WNT8B: variants seen among roughly 807,000 people sequenced by gnomAD.
WNT8B encodes the protein Wnt family member 8B.
Under a neutral mutation model 36.6 loss-of-function variants are expected in WNT8B, and 24 were observed. That is an observed-to-expected ratio of 0.66 (90% CI 0.48 to 0.92). The LOEUF (loss-of-function observed/expected upper bound fraction) is 0.92. Among genes scored for constraint, WNT8B ranks in the 40% least tolerant of loss-of-function variants. The probability of loss-of-function intolerance (pLI) is 0.00; values close to 1 mark genes in which losing one functional copy is unlikely to be tolerated. For synonymous variants in WNT8B, 199 were observed against 189.8 expected (o/e 1.05, Z -0.40); for missense variants, 402 against 470.8 (o/e 0.85, Z 1.35).
rs1365981277 is a variant in WNT8B, at chr10:100,482,255, C to T, written c.511-16C>T. The T allele has an allele frequency of 3.2e-6, 5 of 1,571,004 alleles. No homozygotes were observed. Among genetic ancestry groups the T allele is most frequent in the Non-Finnish European group, 4.3e-6 (5 of 1,163,816 alleles). On this transcript the variant is annotated splice_polypyrimidine_tract_variant and intron_variant, in intron 5 of 5. Coordinates refer to ENST00000343737, the MANE Select transcript of WNT8B (RefSeq NM_003393.4). This position sits in a 1 kb window ranked among gnomAD's most constrained non-coding sequence, Gnocchi z 6.6. ...GCGCTTAATCCGGGGCCTCTCACTCCTAGCTCTCTCCCCAGGCGGTGAAGG... is the reference window on the plus strand; with the variant it reads ...GCGCTTAATCCGGGGCCTCTCACTCTTAGCTCTCTCCCCAGGCGGTGAAGG...
In WNT8B at chr10:100,482,892, G is replaced by A. The variant is rs1021011476; in HGVS notation, c.*76G>A. The A allele has an allele frequency of 7.1e-7, 1 of 1,404,414 alleles. No homozygotes were observed. The highest frequency in any genetic ancestry group is 9.4e-7 in the Non-Finnish European group (1 of 1,066,582). The allele number at this position is 1,404,414 out of a possible 1,614,324, so 87.0% of individuals were successfully genotyped here. ...GACCCCGGTAATTGTGGAACCTAGG[G>A]AATGGGGAACCCGCTCTCCCAGACC... On this transcript the variant is annotated 3_prime_UTR_variant, in exon 6 of 6. Coordinates refer to ENST00000343737, the MANE Select transcript of WNT8B (RefSeq NM_003393.4). The surrounding 1 kb of genome is among the most constrained non-coding windows in gnomAD (Gnocchi z 6.6).
rs891377709 is a variant in WNT8B at position 100,479,205 on chromosome 10, T to C, written c.102+120T>C. The C allele has an allele frequency of 4.7e-5, 45 of 960,144 alleles. 1 individual carries two copies. Among genetic ancestry groups the C allele is most frequent in the South Asian group, 3.0e-4 (14 of 47,296 alleles). 59.5% of individuals were successfully genotyped at this position (960,144 alleles called of 1,614,324 possible). A position where few individuals can be genotyped will look rare whatever the true frequency, so the allele number is the denominator to read the frequency against. On this transcript the variant is annotated intron_variant, in intron 2 of 5. Transcript: ENST00000343737. ...TTTATTATGCTGTATACATTACAGATAGAAAGATTGAGACCCAGAGGGTGT... is the reference window on the plus strand; with the variant it reads ...TTTATTATGCTGTATACATTACAGACAGAAAGATTGAGACCCAGAGGGTGT...
Position 100,481,122 on chromosome 10 carries a change from G to A in WNT8B, c.366G>A (p.Leu122=). 1 of 1,614,006 alleles carries A rather than the reference G, an allele frequency of 6.2e-7. No homozygotes were observed. Among genetic ancestry groups the A allele is most frequent in the Non-Finnish European group, 8.5e-7 (1 of 1,179,952 alleles). Residue 122 remains leucine, a splice_region_variant and synonymous_variant, in exon 4 of 6, where the codon CTG becomes CTA. Transcript: ENST00000343737. ...GTGATGACTCCCGCAACGGGCAACT[G>A]GGTGAGTAGTAATGTAGGGATGGGT... The part of the protein sequence containing the change: ...CGCDDSRNGQ[L]GGQGWLWGGC...
intron 1 of WNT8B, among the ~76,000 whole-genome samples, chr10:100,472,001 C>T (rs1016677881): frequency 7.2e-5 from 11 of 151,976 alleles, no homozygotes; most frequent in African/African-American, 2.4e-4. Flanking sequence ...TCAAGACCAG[C>T]CTGGCCAACA....
At chr10:100,477,622 A>G (rs1324042893) in intron 1 of WNT8B, among the ~76,000 whole-genome samples, 1 of 152,062 alleles carries the variant, frequency 6.6e-6, no homozygotes, top group African/African-American at 2.4e-5. Flanking sequence ...CTACCCTTTG[A>G]AGGACATTGG....
intron 1 of WNT8B, among the ~76,000 whole-genome samples, chr10:100,466,629 G>T (rs1850909983): frequency 6.6e-6 from 1 of 151,998 alleles, no homozygotes. Context: ...AGTTTTTGGT[G>T]GATGACAACA....
At chr10:100,479,370 TC>T (rs1343411718) in intron 2 of WNT8B, among the ~76,000 whole-genome samples, 2 of 152,176 alleles carry the variant, frequency 1.3e-5, no homozygotes, top group East Asian at 1.9e-4. Flanking sequence ...AAGTCACACA[TC>T]CTTCTCAGTG....
Position 100,463,126 on chromosome 10 carries a change from C to T in WNT8B, c.-43C>T, listed in dbSNP as rs780240435. 1 of 1,580,296 alleles carries T rather than the reference C, an allele frequency of 6.3e-7. No homozygotes were observed. Among genetic ancestry groups the T allele is most frequent in the Non-Finnish European group, 8.7e-7 (1 of 1,150,886 alleles). Reference sequence around the variant, plus strand: ...ATTTCTCCGTCTTGCTTACCCATCTCCCAGTTTTTTGGAATTTTCTCTAGC... The same window carrying T: ...ATTTCTCCGTCTTGCTTACCCATCTTCCAGTTTTTTGGAATTTTCTCTAGC... On this transcript the variant is annotated 5_prime_UTR_variant, in exon 1 of 6. Transcript: ENST00000343737.
At chr10:100,473,086 C>T (rs1278565240) in intron 1 of WNT8B, among the ~76,000 whole-genome samples, 2 of 152,026 alleles carry the variant, frequency 1.3e-5, no homozygotes, top group Non-Finnish European at 2.9e-5. Context: ...TTACTATGTT[C>T]AAAGTACTAG....
chr10:100,482,778 C>CG lies in WNT8B; in HGVS notation c.1025dup (p.Ala343ArgfsTer35), dbSNP rs765366470. ...CTTCTGTAGCCGCGCAGAGCGGCCGCGGGGGGGCGCTGCGCACAAACCCGG... is the reference window on the plus strand; with the variant it reads ...CTTCTGTAGCCGCGCAGAGCGGCCGCGGGGGGGGCGCTGCGCACAAACCCGG... On this transcript the variant is annotated frameshift_variant, in exon 6 of 6. Transcript: ENST00000343737. LOFTEE classifies it high-confidence loss of function. The surrounding 1 kb of genome is among the most constrained non-coding windows in gnomAD (Gnocchi z 6.6). The CG allele has an allele frequency of 7.6e-5, 120 of 1,585,692 alleles. No individual in the cohort carries two copies. The highest frequency in any genetic ancestry group is 8.3e-5 in the Non-Finnish European group (97 of 1,164,630).
chr10:100,471,716 T>G (rs921859061), intron 1 of WNT8B, among the ~76,000 whole-genome samples: 3 of 152,236 alleles, frequency 2.0e-5, no homozygotes, highest in Non-Finnish European at 4.4e-5. Flanking sequence ...GCTTCACCAC[T>G]TACCTAGCTG....
intron 1 of WNT8B, among the ~76,000 whole-genome samples, chr10:100,474,271 A>C (rs1404732987): frequency 1.3e-5 from 2 of 152,168 alleles, no homozygotes; most frequent in African/African-American, 4.8e-5. Flanking sequence ...TCCATCTGGG[A>C]GTATACTGTT....
At chr10:100,473,932 C>CA (rs79241401) in intron 1 of WNT8B, among the ~76,000 whole-genome samples, 20 of 150,364 alleles carry the variant, frequency 1.3e-4, no homozygotes, top group Non-Finnish European at 2.4e-4. Flanking sequence ...TCTTAAAAAA[C>CA]AAAAAAAAAG....
In WNT8B at chr10:100,479,555, A is replaced by G. The variant is rs142653399; in HGVS notation, c.103-319A>G. Among the ~76,000 whole-genome samples the G allele has an allele frequency of 1.2e-4, 18 of 152,334 alleles. No individual in the cohort carries two copies. In the East Asian group the frequency reaches 2.1e-3, roughly 18 times the overall value. Reference sequence around the variant, plus strand: ...TGGGCTCATTTTGGAGAGACAGGATAGTATAGTGAAGAAAGGTGAATAAAG... The same window carrying G: ...TGGGCTCATTTTGGAGAGACAGGATGGTATAGTGAAGAAAGGTGAATAAAG... On this transcript the variant is annotated intron_variant, in intron 2 of 5. Transcript: ENST00000343737.
Position 100,483,426 on chromosome 10 carries a change from G to A in WNT8B, c.*610G>A, listed in dbSNP as rs1371586781. 1 of 152,194 alleles carries A rather than the reference G, an allele frequency of 6.6e-6. No homozygotes were observed. Among genetic ancestry groups the A allele is most frequent in the East Asian group, 1.9e-4 (1 of 5,194 alleles). The allele number at this position is 152,194 out of a possible 1,614,324, so 9.4% of individuals were successfully genotyped here. On this transcript the variant is annotated 3_prime_UTR_variant, in exon 6 of 6. Coordinates refer to ENST00000343737, the MANE Select transcript of WNT8B (RefSeq NM_003393.4). ...GGTTGAAGATGGAAGAGGGAGCTCT[G>A]GAGTGCTAACTTGAACACCAAGGGT...
In WNT8B at chr10:100,482,363, C is replaced by G. The variant is rs1481936813; in HGVS notation, c.603C>G (p.Phe201Leu). The change falls in exon 6 of 6, where the codon TTC becomes TTG. Residue 201 changes from phenylalanine to leucine, a missense_variant. By Grantham distance (22) the Phe-to-Leu change is conservative. Transcript: ENST00000343737. This position sits in a 1 kb window ranked among gnomAD's most constrained non-coding sequence, Gnocchi z 6.6. ...CCTGTTGGCTGCAGCTGCCCGAGTT[C>G]CGCGAGGTGGGCGCGCACCTGAAGG... Reference protein sequence around the residue: ...TQTCWLQLPEFREVGAHLKEK... With the variant: ...TQTCWLQLPELREVGAHLKEK... 7.5e-6 allele frequency: 12 copies of G among 1,605,676 alleles called. No homozygotes were observed. The highest frequency in any genetic ancestry group is 1.0e-5 in the Non-Finnish European group (12 of 1,179,928).
rs764537503 is a variant in WNT8B, at chr10:100,482,243, G to A, written c.511-28G>A. 34 of 1,554,646 alleles carry A rather than the reference G, an allele frequency of 2.2e-5. No homozygotes were observed. Among genetic ancestry groups the A allele is most frequent in the Non-Finnish European group, 2.8e-5 (32 of 1,154,742 alleles). ...TAAACTCGCCACGCGCTTAATCCGG[G>A]GCCTCTCACTCCTAGCTCTCTCCCC... On this transcript the variant is annotated intron_variant, in intron 5 of 5. Coordinates refer to ENST00000343737, the MANE Select transcript of WNT8B (RefSeq NM_003393.4). The surrounding 1 kb of genome is among the most constrained non-coding windows in gnomAD (Gnocchi z 6.6).
rs369399022 is a variant in WNT8B at position 100,482,779 on chromosome 10, G to A, written c.1019G>A (p.Arg340Gln). Residue 340 changes from arginine to glutamine, a missense_variant, in exon 6 of 6, where the codon CGG becomes CAG. This residue lies in a region of WNT8B where 256 missense variants were observed against 278.6 expected (regional missense o/e 0.92). Coordinates refer to ENST00000343737, the MANE Select transcript of WNT8B (RefSeq NM_003393.4). This position sits in a 1 kb window ranked among gnomAD's most constrained non-coding sequence, Gnocchi z 6.6. ...TTCTGTAGCCGCGCAGAGCGGCCGCGGGGGGGCGCTGCGCACAAACCCGGG... is the reference window on the plus strand; with the variant it reads ...TTCTGTAGCCGCGCAGAGCGGCCGCAGGGGGGCGCTGCGCACAAACCCGGG... ...KYFCSRAERPRGGAAHKPGRK... is the reference protein window; with the variant it reads ...KYFCSRAERPQGGAAHKPGRK... The A allele has an allele frequency of 1.9e-6, 3 of 1,585,408 alleles. No homozygotes were observed. Among genetic ancestry groups the A allele is most frequent in the Non-Finnish European group, 1.7e-6 (2 of 1,164,522 alleles).
intron 3 of WNT8B, among the ~76,000 whole-genome samples, chr10:100,480,714 T>C (rs1480391832): frequency 6.6e-6 from 1 of 151,978 alleles, no homozygotes; most frequent in Non-Finnish European, 1.5e-5. Flanking sequence ...AGATACACTA[T>C]AAAGATGGGA....
Sources: gnomAD v4.1 joint callset for allele counts (sites outside exome capture counted in the v4.1 genomes callset) on GRCh38, gnomAD v4.1.1 for gene constraint, gnomAD v4.1.1 regional missense constraint, Gnocchi (gnomAD v3.1) non-coding constraint, MANE v1.5 for transcripts, NCBI Gene and HGNC (gene_info 2026-07-23, HGNC 2026-07-21) for gene names.